The following PAAF1 variants were observed in gnomAD, a reference collection of about 807,000 sequenced individuals.
The protein encoded by PAAF1 is proteasomal ATPase associated factor 1.
In PAAF1, 46 loss-of-function variants were observed where a neutral mutation model predicts 52.8. The ratio of observed to expected loss-of-function variants is 0.87; its 90% CI spans 0.69 to 1.11. The LOEUF (loss-of-function observed/expected upper bound fraction) is 1.11. PAAF1 is among the 50% of genes most tolerant of loss of function. The pLI is 0.00. For missense variants in PAAF1, 424 were observed against 477.4 expected, an observed-to-expected ratio of 0.89 and a Z score of 1.04; for synonymous variants, 178 against 172.8, an observed-to-expected ratio of 1.03 and a Z score of -0.24.
intron 1 of PAAF1, among the ~76,000 whole-genome samples, chr11:73,877,698 C>T (rs1948782087): frequency 6.6e-6 from 1 of 152,042 alleles, no homozygotes; most frequent in Admixed American, 6.6e-5. Flanking sequence ...CCAGCCTGAC[C>T]AACATGGTGA....
intron 7 of PAAF1, among the ~76,000 whole-genome samples, chr11:73,912,032 T>C (rs967432399): frequency 8.2e-5 from 12 of 146,978 alleles, no homozygotes; most frequent in Admixed American, 4.1e-4. Context: ...CTCAAAAAAC[T>C]TTTTTTTTTC....
intron 6 of PAAF1, among the ~76,000 whole-genome samples, chr11:73,906,986 C>T (rs7926863): frequency 0.057 from 8,602 of 152,162 alleles, 271 homozygotes; most frequent in Middle Eastern, 0.099. Flanking sequence ...GGTTGCACTA[C>T]CTCTCTACTC....
chr11:73,918,785 A>G (rs1950137356), intron 9 of PAAF1, among the ~76,000 whole-genome samples, 165 bp from the exon 10 acceptor site: 1 of 152,088 alleles, frequency 6.6e-6, no homozygotes, highest in African/African-American at 2.4e-5. Context: ...GAATTACCTT[A>G]ATCTGCCAGT....
rs147160088 is a variant in PAAF1 at position 73,881,414 on chromosome 11, T to C, written c.88+2595T>C. Among the ~76,000 whole-genome samples the C allele has an allele frequency of 7.5e-3, 1,135 of 152,284 alleles. 17 individuals carry two copies. The highest frequency in any genetic ancestry group is 0.026 in the African/African-American group (1,099 of 41,566). On this transcript the variant is annotated intron_variant, in intron 2 of 11. Coordinates refer to ENST00000310571, the MANE Select transcript of PAAF1 (RefSeq NM_025155.3). The stretch of plus-strand genomic sequence containing the variant: ...GATTCTTGTGCCTCAGCCTCCTGAA[T>C]AGCTGGGACTACAGCTGGGACTACT...
In PAAF1 at chr11:73,930,281, A is replaced by G. The variant is rs894392747; in HGVS notation, c.*2919A>G. The G allele has an allele frequency of 1.3e-5, 2 of 152,234 alleles. No homozygotes were observed. The highest frequency in any genetic ancestry group is 4.8e-5 in the African/African-American group (2 of 41,402). 9.4% of individuals were successfully genotyped at this position (152,234 alleles called of 1,614,324 possible). On this transcript the variant is annotated 3_prime_UTR_variant, in exon 12 of 12. Coordinates refer to ENST00000310571, the MANE Select transcript of PAAF1 (RefSeq NM_025155.3). ...GCTACTTGGGAGGCTGAGGCAGGAG[A>G]ATGGTGTGAACCTGGCAGGCAGAGC...
intron 6 of PAAF1, among the ~76,000 whole-genome samples, chr11:73,905,403 T>G (rs1387339715): frequency 6.6e-6 from 1 of 152,110 alleles, no homozygotes; most frequent in Non-Finnish European, 1.5e-5. Context: ...TTTGTATTTT[T>G]AGAAGAAACT....
intron 6 of PAAF1, among the ~76,000 whole-genome samples, chr11:73,904,822 TTCATC>T (rs1475039640): frequency 6.6e-6 from 1 of 152,242 alleles, no homozygotes; most frequent in African/African-American, 2.4e-5. Flanking sequence ...CAGGAATAGT[TTCATC>T]TAATGTTATT....
At chr11:73,876,931 G>A (rs1319658817), upstream of PAAF1, 24 of 1,302,948 alleles carry the variant, frequency 1.8e-5, no homozygotes, top group Non-Finnish European at 2.3e-5. Flanking sequence ...GCCTCTTGGT[G>A]TTGAGCCCAC....
chr11:73,900,517 A>G (rs1949568348), intron 6 of PAAF1, 97 bp downstream of exon 6: 2 of 1,372,874 alleles, frequency 1.5e-6, no homozygotes, highest in Non-Finnish European at 2.0e-6. Context: ...CAAATACACA[A>G]ATAATCCATC....
intron 4 of PAAF1, among the ~76,000 whole-genome samples, chr11:73,895,375 A>G (rs922415798): frequency 2.0e-5 from 3 of 152,218 alleles, no homozygotes; most frequent in Non-Finnish European, 4.4e-5. Flanking sequence ...ACTGCCTACC[A>G]GCAAGCAATT....
chr11:73,926,731 T>C (rs1276291282), intron 11 of PAAF1, among the ~76,000 whole-genome samples: 1 of 152,108 alleles, frequency 6.6e-6, no homozygotes, highest in Non-Finnish European at 1.5e-5. Context: ...AACAAAATTC[T>C]TGTGTAGTGT....
At chr11:73,889,029 C>A in intron 3 of PAAF1, 1 of 553,058 alleles carries the variant, frequency 1.8e-6, no homozygotes. Flanking sequence ...TAATTAATCT[C>A]AAATAATCAA....
intron 11 of PAAF1, among the ~76,000 whole-genome samples, chr11:73,926,095 A>ATTTCTTTC (rs576419298): frequency 6.7e-6 from 1 of 150,180 alleles, no homozygotes; most frequent in Non-Finnish European, 1.5e-5. Flanking sequence ...ATATAGATCT[A>ATTTCTTTC]TTTCTTTCTT....
chr11:73,884,147 C>T (rs1055771247), intron 2 of PAAF1, among the ~76,000 whole-genome samples: 2 of 152,004 alleles, frequency 1.3e-5, no homozygotes, highest in African/African-American at 4.8e-5. Context: ...TTGGATTGAT[C>T]CTAGTTCTGC....
At chr11:73,883,552 C>T (rs1235293142) in intron 2 of PAAF1, among the ~76,000 whole-genome samples, 6 of 151,520 alleles carry the variant, frequency 4.0e-5, no homozygotes, top group East Asian at 3.9e-4. Flanking sequence ...CTCACTGTGT[C>T]GTCTAGGCTG....
upstream of PAAF1, chr11:73,876,948 C>A: frequency 7.0e-7 from 1 of 1,425,412 alleles, no homozygotes; most frequent in South Asian, 1.5e-5. Context: ...CCACCTCTGT[C>A]CTCGCCGCAC....
intron 8 of PAAF1, among the ~76,000 whole-genome samples, chr11:73,915,938 C>T (rs1338006705): frequency 6.6e-6 from 1 of 152,102 alleles, no homozygotes; most frequent in African/African-American, 2.4e-5. Context: ...TCCATGCTGG[C>T]TTTTACTTCC....
intron 4 of PAAF1, among the ~76,000 whole-genome samples, chr11:73,897,348 C>T (rs564858603): frequency 4.3e-4 from 65 of 150,722 alleles, no homozygotes; most frequent in Middle Eastern, 3.6e-3. Flanking sequence ...ACTTCCCAGA[C>T]GGGGTGGCTG....
chr11:73,908,363 A>G (rs553131582), intron 6 of PAAF1, among the ~76,000 whole-genome samples: 38 of 138,300 alleles, frequency 2.7e-4, no homozygotes, highest in South Asian at 1.3e-3. Flanking sequence ...ATATGTGTGT[A>G]TATATATATG....
Sources: allele counts gnomAD v4.1 joint callset (sites outside exome capture counted in the v4.1 genomes callset), GRCh38; gene constraint gnomAD v4.1.1; transcripts MANE v1.5; gene names NCBI Gene and HGNC (gene_info 2026-07-23, HGNC 2026-07-21).